Variants in KLHL26 observed in about 807,000 individuals in gnomAD.
KLHL26 encodes kelch-like protein 26.
In KLHL26, 4 loss-of-function variants were observed where a neutral mutation model predicts 7.1. The observed-to-expected ratio is 0.56, with a 90% confidence interval of 0.28 to 1.28. The LOEUF is 1.28. Among genes scored for constraint, KLHL26 ranks in the 50% most tolerant of loss-of-function variants. KLHL26 has a pLI of 0.11. For missense variants in KLHL26, 896 were observed against 924.6 expected (o/e 0.97, Z 0.40); for synonymous variants, 465 against 414.1 (o/e 1.12, Z -1.49).
intron 1 of KLHL26, among the ~76,000 whole-genome samples, chr19:18,660,502 G>A (rs2052381633): frequency 6.6e-6 from 1 of 152,206 alleles, no homozygotes; most frequent in African/African-American, 2.4e-5. Flanking sequence ...CCGCCTTCCT[G>A]GGGGCCTGTG....
At position 18,664,581 on chromosome 19, in the gene KLHL26, CTGCTCTTTTTTTTTTTTTGAGA is replaced by C. The variant is rs1456754752; in HGVS notation, c.266+141_266+162del. On this transcript the variant is annotated intron_variant, in intron 2 of 2. Coordinates refer to ENST00000300976, the MANE Select transcript of KLHL26 (RefSeq NM_018316.3). Reference sequence around the variant, plus strand: ...TTCGAGGGAGAACGGCTGGTACCGGCTGCTCTTTTTTTTTTTTTGAGATGGAGTCTCGCGCTGTTGCCCAGGC... The same window carrying C: ...TTCGAGGGAGAACGGCTGGTACCGGCTGGAGTCTCGCGCTGTTGCCCAGGC... 6.5e-6 allele frequency: 4 copies of C among 616,048 alleles called. No homozygotes were observed. The East Asian group carries it at 1.2e-4, about 19-fold the overall frequency. The allele number at this position is 616,048 out of a possible 1,614,324, so 38.2% of individuals were successfully genotyped here.
chr19:18,648,352 CA>C lies in KLHL26; in HGVS notation c.83+11221del, dbSNP rs1204172749. Among the ~76,000 whole-genome samples the C allele has an allele frequency of 6.6e-6, 1 of 152,092 alleles. No individual in the cohort carries two copies. The highest frequency in any genetic ancestry group is 1.9e-4 in the East Asian group (1 of 5,182). On this transcript the variant is annotated intron_variant, in intron 1 of 2. Coordinates refer to ENST00000300976, the MANE Select transcript of KLHL26 (RefSeq NM_018316.3). The surrounding 1 kb of genome is among the most constrained non-coding windows in gnomAD (Gnocchi z 4.9). ...TGGGCGACAAAGTGAGACTCTGTCTCAAAAAAGAAAGGATCCCTCTGGCAAG... is the reference window on the plus strand; with the variant it reads ...TGGGCGACAAAGTGAGACTCTGTCTCAAAAAGAAAGGATCCCTCTGGCAAG...
At chr19:18,666,722 T>C (rs925636229) in intron 2 of KLHL26, among the ~76,000 whole-genome samples, 9 of 152,276 alleles carry the variant, frequency 5.9e-5, no homozygotes, top group African/African-American at 2.2e-4. Context: ...CAGCACAGCC[T>C]CCTGGTGGGG....
intron 2 of KLHL26, among the ~76,000 whole-genome samples, chr19:18,665,883 C>G (rs947754041): frequency 1.3e-5 from 2 of 152,204 alleles, no homozygotes; most frequent in African/African-American, 4.8e-5. Context: ...GCCACACATT[C>G]CCCGAGGCCC....
At chr19:18,637,281 T>G in intron 1 of KLHL26, 144 bp downstream of exon 1, 1 of 910,218 alleles carries the variant, frequency 1.1e-6, no homozygotes. Flanking sequence ...TACGGGGCCG[T>G]GGGGTACTGG....
rs1600689710 is a variant in KLHL26 at position 18,649,666 on chromosome 19, G to T, written c.83+12529G>T. Among the ~76,000 whole-genome samples the T allele has an allele frequency of 6.6e-6, 1 of 152,338 alleles. No homozygotes were observed. The highest frequency in any genetic ancestry group is 2.4e-5 in the African/African-American group (1 of 41,588). On this transcript the variant is annotated intron_variant, in intron 1 of 2. Coordinates refer to ENST00000300976, the MANE Select transcript of KLHL26 (RefSeq NM_018316.3). This position sits in a 1 kb window ranked among gnomAD's most constrained non-coding sequence, Gnocchi z 4.0. The stretch of plus-strand genomic sequence containing the variant: ...CAAGCCCGCTGGGTTCCCGCTGCCG[G>T]CAGCCCCGCCCTCCTCCTCTGGTAG...
intron 2 of KLHL26, among the ~76,000 whole-genome samples, chr19:18,666,745 G>A (rs911600671): frequency 3.9e-5 from 6 of 152,148 alleles, no homozygotes; most frequent in African/African-American, 1.4e-4. Flanking sequence ...TCCATTCCTG[G>A]GGACCCTCAT....
intron 1 of KLHL26, among the ~76,000 whole-genome samples, chr19:18,658,758 T>C (rs2052361261): frequency 6.6e-6 from 1 of 150,824 alleles, no homozygotes; most frequent in Non-Finnish European, 1.5e-5. Flanking sequence ...TGTCTCCCTG[T>C]CTCCCTGTCT....
rs1353585397 is a variant in KLHL26 at position 18,669,167 on chromosome 19, G to C, written c.1770G>C (p.Arg590=). 3.7e-6 allele frequency: 6 copies of C among 1,612,820 alleles called. No homozygotes were observed. The highest frequency in any genetic ancestry group is 5.1e-6 in the Non-Finnish European group (6 of 1,179,976). The stretch of plus-strand genomic sequence containing the variant: ...ACACGGACACCGACGAGTGGGAGCG[G>C]GACCTGCACTTCCCGGAGTCCTTCG... ...VYNTDTDEWE[R]DLHFPESFAG... Residue 590 remains arginine (R), a synonymous_variant, in exon 3 of 3, where the codon CGG becomes CGC. Coordinates refer to ENST00000300976, the MANE Select transcript of KLHL26 (RefSeq NM_018316.3).
chr19:18,653,029 T>C (rs557904173), intron 1 of KLHL26, among the ~76,000 whole-genome samples: 2 of 152,206 alleles, frequency 1.3e-5, no homozygotes, highest in South Asian at 4.1e-4. Context: ...GCACAGGTGC[T>C]TTTTGGCCTT....
chr19:18,658,402 C>T (rs1600701002), intron 1 of KLHL26, among the ~76,000 whole-genome samples: 1 of 151,930 alleles, frequency 6.6e-6, no homozygotes, highest in Non-Finnish European at 1.5e-5. Context: ...GTCGCTGTCA[C>T]CCCCACCCCT....
intron 1 of KLHL26, among the ~76,000 whole-genome samples, chr19:18,660,971 G>A (rs2052386508): frequency 6.6e-6 from 1 of 152,200 alleles, no homozygotes; most frequent in South Asian, 2.1e-4. Context: ...CTGCTTTCTG[G>A]GCCTGGGGTG....
At chr19:18,654,261 C>T (rs962787996) in intron 1 of KLHL26, among the ~76,000 whole-genome samples, 1 of 143,548 alleles carries the variant, frequency 7.0e-6, no homozygotes, top group African/African-American at 2.6e-5. Context: ...CATCTACTGC[C>T]CATCCAGGCA....
At position 18,668,148 on chromosome 19, in the gene KLHL26, A is replaced by G. The variant is rs1416272701; in HGVS notation, c.751A>G (p.Ile251Val). The G allele has an allele frequency of 3.7e-6, 6 of 1,607,078 alleles. No homozygotes were observed. The highest frequency in any genetic ancestry group is 1.1e-5 in the South Asian group (1 of 91,046). ...GCGCGCCAGCCACGTGCTCTGCCAC[A>G]TTCGCTTCCCGCTCATGCAGTCGTC... is the stretch of plus-strand genomic sequence containing the variant. ...RPRASHVLCH[I>V]RFPLMQSSEL... Residue 251 changes from isoleucine to valine, a missense_variant, in exon 3 of 3, where the codon ATT becomes GTT. Coordinates refer to ENST00000300976, the MANE Select transcript of KLHL26 (RefSeq NM_018316.3).
chr19:18,647,963 C>T (rs939269021), intron 1 of KLHL26, among the ~76,000 whole-genome samples: 1 of 152,190 alleles, frequency 6.6e-6, no homozygotes, highest in Non-Finnish European at 1.5e-5. Flanking sequence ...GGGGCGCATA[C>T]ATGCCAGCAG....
At position 18,668,946 on chromosome 19, in the gene KLHL26, A is replaced by G. The variant is rs763880397; in HGVS notation, c.1549A>G (p.Met517Val). 1 of 1,610,498 alleles carries G rather than the reference A, an allele frequency of 6.2e-7. No homozygotes were observed. The highest frequency in any genetic ancestry group is 8.5e-7 in the Non-Finnish European group (1 of 1,179,896). Reference protein sequence around the residue: ...GGRIYALGGRMDHVDRCFDVL... With the variant: ...GGRIYALGGRVDHVDRCFDVL... Reference sequence around the variant, plus strand: ...CCGCATCTATGCCCTCGGGGGCCGCATGGACCACGTGGACCGCTGCTTCGA... The same window carrying G: ...CCGCATCTATGCCCTCGGGGGCCGCGTGGACCACGTGGACCGCTGCTTCGA... The change falls in exon 3 of 3, where the codon ATG becomes GTG. Residue 517 changes from methionine to valine, a missense_variant. Met to Val is a conservative substitution (Grantham distance 21). Transcript: ENST00000300976.
rs1484863292 is a variant in KLHL26, at chr19:18,646,270, C to T, written c.83+9133C>T. On this transcript the variant is annotated intron_variant, in intron 1 of 2. Coordinates refer to ENST00000300976, the MANE Select transcript of KLHL26 (RefSeq NM_018316.3). This position sits in a 1 kb window ranked among gnomAD's most constrained non-coding sequence, Gnocchi z 5.0. ...CCAAGTAGCTGGGACTACAGGCGCCCACTACCATGCCTGGCTAGTTTTTGT... is the reference window on the plus strand; with the variant it reads ...CCAAGTAGCTGGGACTACAGGCGCCTACTACCATGCCTGGCTAGTTTTTGT... Among the ~76,000 whole-genome samples, 1 of 152,158 alleles carries T rather than the reference C, an allele frequency of 6.6e-6. No individual in the cohort carries two copies. The highest frequency in any genetic ancestry group is 2.4e-5 in the African/African-American group (1 of 41,436).
rs540971230 is a variant in KLHL26, at chr19:18,640,836, G to T, written c.83+3699G>T. Among the ~76,000 whole-genome samples, 4 of 152,188 alleles carry T rather than the reference G, an allele frequency of 2.6e-5. No homozygotes were observed. In the East Asian group the frequency reaches 5.8e-4, roughly 22 times the overall value. ...TTACAGGTGTGAGCCACTGAGACTG[G>T]CCATGTTTTAATTTTTAGGAAACTG... On this transcript the variant is annotated intron_variant, in intron 1 of 2. Coordinates refer to ENST00000300976, the MANE Select transcript of KLHL26 (RefSeq NM_018316.3).
At position 18,648,605 on chromosome 19, in the gene KLHL26, T is replaced by C. The variant is rs1976847022; in HGVS notation, c.83+11468T>C. On this transcript the variant is annotated intron_variant, in intron 1 of 2. Transcript: ENST00000300976. This position sits in a 1 kb window ranked among gnomAD's most constrained non-coding sequence, Gnocchi z 4.9. ...ACCTGGCCTAGGGGATTCGCAGCCC[T>C]TCCTGTGTTCCAGAAAAGCCCTTCA... 6.6e-6 allele frequency among the ~76,000 whole-genome samples: 1 copy of C among 152,190 alleles called. No homozygotes were observed. Among genetic ancestry groups the C allele is most frequent in the Admixed American group, 6.5e-5 (1 of 15,280 alleles).
Sources: gnomAD v4.1 joint callset for allele counts (sites outside exome capture counted in the v4.1 genomes callset) on GRCh38, gnomAD v4.1.1 for gene constraint, Gnocchi (gnomAD v3.1) non-coding constraint, MANE v1.5 for transcripts, NCBI Gene and HGNC (gene_info 2026-07-23, HGNC 2026-07-21) for gene names.